CDCP1: variants seen among roughly 807,000 people sequenced by gnomAD.
The protein encoded by CDCP1 is CUB domain containing protein 1, also known as CUB domain-containing protein 1.
A neutral mutation model predicts 60.2 loss-of-function variants in CDCP1; 29 were observed. The ratio of observed to expected loss-of-function variants is 0.48; its 90% CI spans 0.36 to 0.66. The LOEUF is 0.66. Among genes scored for constraint, CDCP1 ranks in the 30% least tolerant of loss-of-function variants. The pLI is 0.00. For synonymous variants in CDCP1, 387 were observed against 431.1 expected (o/e 0.90, Z 1.27); for missense variants, 876 against 1,074.3 (o/e 0.82, Z 2.58).
Position 45,110,299 on chromosome 3 carries a change from C to T in CDCP1, c.1024+174G>A, listed in dbSNP as rs556160660. The T allele has an allele frequency of 3.0e-4, 435 of 1,437,326 alleles. 3 individuals carry two copies. In the South Asian group the frequency reaches 6.3e-3, roughly 21 times the overall value. 89.0% of individuals were successfully genotyped at this position (1,437,326 alleles called of 1,614,324 possible). A position where few individuals can be genotyped will look rare whatever the true frequency, so the allele number is the denominator to read the frequency against. Reference sequence around the variant, plus strand: ...GAACTACATACCGGGTGTTCACCAACAAGCCTGTCTAACTGCCTAGCAACC... The same window carrying T: ...GAACTACATACCGGGTGTTCACCAATAAGCCTGTCTAACTGCCTAGCAACC... On this transcript the variant is annotated intron_variant, in intron 4 of 8. Coordinates refer to ENST00000296129, the MANE Select transcript of CDCP1 (RefSeq NM_022842.5).
rs113170445 is a variant in CDCP1, at chr3:45,102,036, T to C, written c.1025-6468A>G. Among the ~76,000 whole-genome samples the C allele has an allele frequency of 6.4e-3, 981 of 152,354 alleles. 16 individuals carry two copies. Among genetic ancestry groups the C allele is most frequent in the African/African-American group, 0.022 (927 of 41,580 alleles). On this transcript the variant is annotated intron_variant, in intron 4 of 8. Coordinates refer to ENST00000296129, the MANE Select transcript of CDCP1 (RefSeq NM_022842.5). ...AAATAGGCTTTTCCTTACAGAAGGT[T>C]GCAATTTAAATTTGCATTAGGTAAT...
intron 1 of CDCP1, among the ~76,000 whole-genome samples, chr3:45,131,864 C>T (rs1024544881): frequency 5.3e-5 from 8 of 152,290 alleles, no homozygotes; most frequent in Non-Finnish European, 2.9e-5. Context: ...CTGTAGGCCA[C>T]GCACTGAATA....
intron 4 of CDCP1, among the ~76,000 whole-genome samples, chr3:45,102,482 C>T (rs889444422): frequency 1.3e-5 from 2 of 151,676 alleles, no homozygotes; most frequent in Non-Finnish European, 2.9e-5. Flanking sequence ...CGGTCTTAAC[C>T]TTTCGATATA....
At chr3:45,132,797 C>T (rs996926355) in intron 1 of CDCP1, among the ~76,000 whole-genome samples, 7 of 152,194 alleles carry the variant, frequency 4.6e-5, no homozygotes, top group Admixed American at 1.3e-4. Flanking sequence ...ATTACCATTC[C>T]GACAGAGGGG....
chr3:45,121,032 C>T (rs1051960192), intron 1 of CDCP1, among the ~76,000 whole-genome samples: 1 of 152,114 alleles, frequency 6.6e-6, no homozygotes, highest in Admixed American at 6.5e-5. Context: ...GTGCCTGATC[C>T]CCACGAGGAG....
At chr3:45,095,199 G>T (rs888141883) in intron 5 of CDCP1, 148 bp downstream of exon 5, 2 of 680,172 alleles carry the variant, frequency 2.9e-6, no homozygotes, top group Non-Finnish European at 4.9e-6. Flanking sequence ...CTCCCAAAGT[G>T]CTGGGATTAC....
At chr3:45,116,767 T>A (rs1329822663) in intron 2 of CDCP1, among the ~76,000 whole-genome samples, 2 of 152,212 alleles carry the variant, frequency 1.3e-5, no homozygotes, top group Non-Finnish European at 2.9e-5. Flanking sequence ...TCTCGGGCAT[T>A]TTTTCCAATC....
intron 1 of CDCP1, chr3:45,139,354 C>T (rs1213098860): frequency 6.6e-6 from 1 of 152,246 alleles, no homozygotes; most frequent in Non-Finnish European, 1.5e-5. Context: ...CAGCTCACCT[C>T]GTTAATAAGT....
chr3:45,126,629 T>C (rs1192925283), intron 1 of CDCP1, among the ~76,000 whole-genome samples: 1 of 152,180 alleles, frequency 6.6e-6, no homozygotes, highest in African/African-American at 2.4e-5. Flanking sequence ...CATTTCCACC[T>C]TCACATAAGA....
At position 45,093,552 on chromosome 3, in the gene CDCP1, A is replaced by G; in HGVS notation, c.1352T>C (p.Leu451Pro). The part of the protein sequence containing the change: ...VELHDFSWKL[L>P]VPKDRLSLVL... The stretch of plus-strand genomic sequence containing the variant: ...CAGGCTGAGCCTGTCCTTGGGCACC[A>G]GCAGCTTCCAGGAGAAGTCATGCAG... The change falls in exon 6 of 9, where the codon CTG (leucine) becomes CCG (proline). Residue 451 changes from leucine (L) to proline (P), a missense_variant. By Grantham distance (98) the Leu-to-Pro change is moderately conservative. Coordinates refer to ENST00000296129, the MANE Select transcript of CDCP1 (RefSeq NM_022842.5). 1 of 1,614,252 alleles carries G rather than the reference A, an allele frequency of 6.2e-7. No homozygotes were observed. Among genetic ancestry groups the G allele is most frequent in the Non-Finnish European group, 8.5e-7 (1 of 1,180,040 alleles).
chr3:45,109,169 G>A (rs1370555351), intron 4 of CDCP1, among the ~76,000 whole-genome samples: 3 of 151,358 alleles, frequency 2.0e-5, no homozygotes, highest in East Asian at 1.9e-4. Flanking sequence ...GGCTGGTCTC[G>A]AACTCCTGAC....
chr3:45,104,871 T>C (rs1252008641), intron 4 of CDCP1, among the ~76,000 whole-genome samples: 2 of 152,180 alleles, frequency 1.3e-5, no homozygotes, highest in African/African-American at 2.4e-5. Context: ...CTGACCAACA[T>C]GGAGAAACCC....
At position 45,085,530 on chromosome 3, in the gene CDCP1, G is replaced by C. The variant is rs1698172985; in HGVS notation, c.*108C>G. On this transcript the variant is annotated 3_prime_UTR_variant, in exon 9 of 9. Transcript: ENST00000296129. The surrounding 1 kb of genome is among the most constrained non-coding windows in gnomAD (Gnocchi z 4.2). Reference sequence around the variant, plus strand: ...GCGGTGTCCAGGAAAACCTCCTGCTGTTCCTTCTGTATAATTCCTCTTCTT... The same window carrying C: ...GCGGTGTCCAGGAAAACCTCCTGCTCTTCCTTCTGTATAATTCCTCTTCTT... 2 of 1,190,970 alleles carry C rather than the reference G, an allele frequency of 1.7e-6. No homozygotes were observed. Among genetic ancestry groups the C allele is most frequent in the Admixed American group, 4.5e-5 (2 of 44,270 alleles). 73.8% of individuals were successfully genotyped at this position (1,190,970 alleles called of 1,614,324 possible). A position where few individuals can be genotyped will look rare whatever the true frequency, so the allele number is the denominator to read the frequency against.
At chr3:45,139,955 C>T (rs1436515262) in intron 1 of CDCP1, among the ~76,000 whole-genome samples, 3 of 152,234 alleles carry the variant, frequency 2.0e-5, no homozygotes, top group African/African-American at 4.8e-5. Context: ...AACTGCTTGT[C>T]TGCTCTAAGC....
chr3:45,117,222 A>C (rs1698807796), intron 2 of CDCP1, among the ~76,000 whole-genome samples: 1 of 152,132 alleles, frequency 6.6e-6, no homozygotes, highest in African/African-American at 2.4e-5. Context: ...CCTTAAAATG[A>C]TTGAGAAATT....
rs139700031 is a variant in CDCP1 at position 45,145,383 on chromosome 3, C to G, written c.82+823G>C. On this transcript the variant is annotated intron_variant, in intron 1 of 8. Coordinates refer to ENST00000296129, the MANE Select transcript of CDCP1 (RefSeq NM_022842.5). ...CATGAAGAAACCAGGTTATTTACTACGTTCTAATACATCCAGGGCCCACAG... is the reference window on the plus strand; with the variant it reads ...CATGAAGAAACCAGGTTATTTACTAGGTTCTAATACATCCAGGGCCCACAG... Among the ~76,000 whole-genome samples the G allele has an allele frequency of 4.6e-3, 700 of 152,324 alleles. 2 individuals carry two copies. The highest frequency in any genetic ancestry group is 0.012 in the Admixed American group (188 of 15,292).
chr3:45,146,252 C>T lies in CDCP1; in HGVS notation c.36G>A (p.Leu12=), dbSNP rs1053789070. The part of the protein sequence containing the change: ...AGLNCGVSIA[L]LGVLLLGAAR... ...CCGCACCCAGCAGCAGAACCCCTAG[C>T]AGTGCGATAGAGACCCCGCAGTTCA... is the stretch of plus-strand genomic sequence containing the variant. The change falls in exon 1 of 9, where the codon CTG becomes CTA. Residue 12 remains leucine (L), a synonymous_variant. Coordinates refer to ENST00000296129, the MANE Select transcript of CDCP1 (RefSeq NM_022842.5). 12 of 1,597,220 alleles carry T rather than the reference C, an allele frequency of 7.5e-6. No individual in the cohort carries two copies. The African/African-American group carries it at 1.7e-4, about 22-fold the overall frequency.
At chr3:45,141,126 A>C (rs944299944) in intron 1 of CDCP1, among the ~76,000 whole-genome samples, 1 of 152,066 alleles carries the variant, frequency 6.6e-6, no homozygotes, top group African/African-American at 2.4e-5. Flanking sequence ...ACTTGAACCC[A>C]GGAGGTGGGG....
At chr3:45,090,216 GA>G (rs1310510632) in intron 7 of CDCP1, among the ~76,000 whole-genome samples, 1 of 152,146 alleles carries the variant, frequency 6.6e-6, no homozygotes, top group Non-Finnish European at 1.5e-5. Flanking sequence ...AAGGGAAAGG[GA>G]AAAAAGCAGC....
Sources: gnomAD v4.1 joint callset for allele counts (sites outside exome capture counted in the v4.1 genomes callset) on GRCh38, gnomAD v4.1.1 for gene constraint, Gnocchi (gnomAD v3.1) non-coding constraint, MANE v1.5 for transcripts, NCBI Gene and HGNC (gene_info 2026-07-23, HGNC 2026-07-21) for gene names.